RAB27A: variants seen among roughly 807,000 people sequenced by gnomAD.
RAB27A encodes RAB27A, member RAS oncogene family, also known as ras-related protein Rab-27A.
In RAB27A, 17 loss-of-function variants were observed where a neutral mutation model predicts 20.8. That is an observed-to-expected ratio of 0.82 (90% CI 0.56 to 1.23). RAB27A has a LOEUF of 1.23. Among genes scored for constraint, RAB27A ranks in the 50% most tolerant of loss-of-function variants. The pLI is 0.00. For synonymous variants in RAB27A, 85 were observed against 92.8 expected (o/e 0.92, Z 0.48); for missense variants, 277 against 266.7 (o/e 1.04, Z -0.27).
At chr15:55,296,567 A>C (rs2054950419) in intron 2 of RAB27A, among the ~76,000 whole-genome samples, 2 of 152,240 alleles carry the variant, frequency 1.3e-5, no homozygotes, top group African/African-American at 4.8e-5. Context: ...GCCAGAAAGT[A>C]AAAGAGTGCT....
At chr15:55,245,977 A>C (rs1287737403) in intron 2 of RAB27A, among the ~76,000 whole-genome samples, 1 of 152,078 alleles carries the variant, frequency 6.6e-6, no homozygotes, top group East Asian at 1.9e-4. Flanking sequence ...CCAGCTACTC[A>C]GGAGGGTGAG....
chr15:55,246,578 C>A (rs1896694770), intron 2 of RAB27A, among the ~76,000 whole-genome samples: 10 of 149,674 alleles, frequency 6.7e-5, no homozygotes, highest in Admixed American at 6.7e-4. Flanking sequence ...TAGTTTGTGA[C>A]AAGTACCCCT....
chr15:55,237,577 C>A (rs1023390914), intron 2 of RAB27A: 9 of 152,020 alleles, frequency 5.9e-5, no homozygotes, highest in Non-Finnish European at 1.0e-4. Flanking sequence ...AATTCCTCTC[C>A]AAAAAACGAC....
In RAB27A at chr15:55,223,428, G is replaced by A. The variant is rs537826201; in HGVS notation, c.467+461C>T. Among the ~76,000 whole-genome samples the A allele has an allele frequency of 3.3e-5, 5 of 151,868 alleles. 1 individual carries two copies. In the South Asian group the frequency reaches 1.0e-3, roughly 31 times the overall value. On this transcript the variant is annotated intron_variant, in intron 6 of 6. Coordinates refer to ENST00000336787, the MANE Select transcript of RAB27A (RefSeq NM_183235.3). The stretch of plus-strand genomic sequence containing the variant: ...GGAGGCTGAGGTAGGAGAATCGCTT[G>A]AACCCGGGAGGTGGAGGTTGCAGTG...
At chr15:55,243,197 G>T (rs188835768) in intron 2 of RAB27A, among the ~76,000 whole-genome samples, 1 of 150,290 alleles carries the variant, frequency 6.7e-6, no homozygotes, top group Admixed American at 6.6e-5. Context: ...GCAAATCCAA[G>T]AAAAAAAAAT....
chr15:55,208,374 G>T (rs1037623511), intron 6 of RAB27A, among the ~76,000 whole-genome samples: 2 of 152,154 alleles, frequency 1.3e-5, no homozygotes, highest in African/African-American at 2.4e-5. Context: ...GCTCAAATTG[G>T]CATGAATCAC....
At chr15:55,272,427 C>G (rs757767459) in intron 1 of RAB27A, among the ~76,000 whole-genome samples, 11 of 152,058 alleles carry the variant, frequency 7.2e-5, no homozygotes, top group Non-Finnish European at 1.3e-4. Context: ...AAAAAAAATC[C>G]TGTAGGGGGC....
chr15:55,316,927 C>A (rs377174527), intron 1 of RAB27A, among the ~76,000 whole-genome samples: 1 of 152,100 alleles, frequency 6.6e-6, no homozygotes, highest in Non-Finnish European at 1.5e-5. Flanking sequence ...TGCAGGGTAA[C>A]GGAGTGGATT....
chr15:55,223,116 A>C (rs17238199), intron 6 of RAB27A, among the ~76,000 whole-genome samples: 26,549 of 152,114 alleles, frequency 0.17, 2,709 homozygotes, highest in African/African-American at 0.26. Context: ...CCTCTCCCAG[A>C]ATAGAAATTT....
intron 2 of RAB27A, among the ~76,000 whole-genome samples, chr15:55,310,256 G>A (rs894781161): frequency 6.6e-6 from 1 of 152,158 alleles, no homozygotes; most frequent in South Asian, 2.1e-4. Context: ...CAGTTGTCCA[G>A]GACAGAAGAG....
At chr15:55,257,414 G>C (rs1308423967) in intron 2 of RAB27A, among the ~76,000 whole-genome samples, 2 of 152,204 alleles carry the variant, frequency 1.3e-5, no homozygotes, top group Admixed American at 6.5e-5. Flanking sequence ...GTTAGTTCAG[G>C]ATGAACAAGA....
chr15:55,220,241 TTTTG>T (rs541066166), intron 6 of RAB27A, among the ~76,000 whole-genome samples: 409 of 149,872 alleles, frequency 2.7e-3, no homozygotes, highest in African/African-American at 3.9e-3. Context: ...TCTGGGGTTT[TTTTG>T]TTTGTTTGTT....
intron 5 of RAB27A, 145 bp downstream of exon 5, chr15:55,228,464 C>A: frequency 7.3e-6 from 5 of 681,704 alleles, no homozygotes; most frequent in South Asian, 6.8e-5. Context: ...TATCTTTGTC[C>A]CTAAACTAAA....
At chr15:55,286,396 G>A (rs1215189153) in intron 1 of RAB27A, among the ~76,000 whole-genome samples, 3 of 152,116 alleles carry the variant, frequency 2.0e-5, no homozygotes, top group Non-Finnish European at 4.4e-5. Context: ...GCTGGTCTGT[G>A]TATGACAGTT....
At chr15:55,252,381 A>C (rs1405426329) in intron 2 of RAB27A, among the ~76,000 whole-genome samples, 1 of 152,174 alleles carries the variant, frequency 6.6e-6, no homozygotes, top group Non-Finnish European at 1.5e-5. Flanking sequence ...AGGCAGGTGG[A>C]TCACTTGAGG....
In RAB27A at chr15:55,209,402, C is replaced by A. The variant is rs1894808619; in HGVS notation, c.468-3697G>T. 2.0e-5 allele frequency among the ~76,000 whole-genome samples: 3 copies of A among 152,222 alleles called. No homozygotes were observed. In the South Asian group the frequency reaches 6.2e-4, roughly 32 times the overall value. On this transcript the variant is annotated intron_variant, in intron 6 of 6. Transcript: ENST00000336787. ...GTAAGAACATGCAACATTTGTCTTT[C>A]TGTGTTTGGCTATTTCACATAACAT...
At chr15:55,267,368 G>C (rs1897534130) in intron 2 of RAB27A, among the ~76,000 whole-genome samples, 1 of 151,132 alleles carries the variant, frequency 6.6e-6, no homozygotes. Flanking sequence ...GAGCAAAGCA[G>C]ATTCTGCCTT....
chr15:55,220,587 A>G (rs1306452201), intron 6 of RAB27A, among the ~76,000 whole-genome samples: 1 of 152,144 alleles, frequency 6.6e-6, no homozygotes, highest in Non-Finnish European at 1.5e-5. Context: ...ATCTGTTTTT[A>G]TGAATTGAGA....
intron 2 of RAB27A, among the ~76,000 whole-genome samples, chr15:55,236,455 G>C (rs546898472): frequency 1.3e-5 from 2 of 152,044 alleles, no homozygotes; most frequent in African/African-American, 2.4e-5. Flanking sequence ...ACAACCAAGG[G>C]CTCGCTTACC....
Sources: gnomAD v4.1 joint callset for allele counts (sites outside exome capture counted in the v4.1 genomes callset) on GRCh38, gnomAD v4.1.1 for gene constraint, MANE v1.5 for transcripts, NCBI Gene and HGNC (gene_info 2026-07-23, HGNC 2026-07-21) for gene names.